The following DPYSL4 variants were observed in gnomAD, a reference collection of about 807,000 sequenced individuals.
DPYSL4 encodes dihydropyrimidinase-related protein 4.
A neutral mutation model predicts 63.4 loss-of-function variants in DPYSL4; 43 were observed. That is an observed-to-expected ratio of 0.68 (90% confidence interval 0.53 to 0.88). DPYSL4 has a LOEUF of 0.88. Ranked by LOEUF, DPYSL4 falls within the 40% of genes least tolerant of loss-of-function variation. The pLI is 0.00. For missense variants in DPYSL4, 733 were observed against 819.5 expected (o/e 0.89, Z 1.29); for synonymous variants, 353 against 331.7 (o/e 1.06, Z -0.70).
chr10:132,192,604 A>C (rs1034130595), intron 2 of DPYSL4, 54 bp from the exon 3 acceptor site: 2 of 1,535,842 alleles, frequency 1.3e-6, no homozygotes, highest in Non-Finnish European at 1.8e-6. Flanking sequence ...CTGGGAGCCC[A>C]TCTGGGCTCT....
At position 132,200,512 on chromosome 10, in the gene DPYSL4, G is replaced by C; in HGVS notation, c.968G>C (p.Ser323Thr). 6.2e-7 allele frequency: 1 copy of C among 1,612,678 alleles called. No individual in the cohort carries two copies. The highest frequency in any genetic ancestry group is 8.5e-7 in the Non-Finnish European group (1 of 1,179,784). Residue 323 changes from serine (S) to threonine (T), a missense_variant and splice_region_variant, in exon 9 of 14, where the codon AGC (serine) becomes ACC (threonine). Transcript: ENST00000338492. ...TADHLTCLLS[S>T]GDLQVTGSAH... is the part of the protein sequence containing the mutation. ...GACCACCTCACCTGCTTGCTGTCCA[G>C]GTAAGCAGCCTCTCCAGGTGGCCCC...
chr10:132,198,168 C>T (rs945621043), intron 6 of DPYSL4, among the ~76,000 whole-genome samples: 1 of 152,198 alleles, frequency 6.6e-6, no homozygotes, highest in Non-Finnish European at 1.5e-5. Context: ...CAGTCAGGAG[C>T]CCTGCAGCCT....
At position 132,192,654 on chromosome 10, in the gene DPYSL4, T is replaced by G; in HGVS notation, c.129-4T>G. On this transcript the variant is annotated splice_region_variant and splice_polypyrimidine_tract_variant and intron_variant, in intron 2 of 13. Transcript: ENST00000338492. The stretch of plus-strand genomic sequence containing the variant: ...GTAACCAGTGAAATCTCTGCTGCTT[T>G]CAGACAAATCGGAGAAAACCTCATC... 1 of 1,598,146 alleles carries G rather than the reference T, an allele frequency of 6.3e-7. No individual in the cohort carries two copies. Among genetic ancestry groups the G allele is most frequent in the South Asian group, 1.1e-5 (1 of 88,954 alleles).
chr10:132,187,229 C>G, intron 1 of DPYSL4, 127 bp downstream of exon 1: 1 of 611,492 alleles, frequency 1.6e-6, no homozygotes, highest in Non-Finnish European at 2.7e-6. Flanking sequence ...GGTCCCTGTC[C>G]TGGCGCCCGC....
intron 2 of DPYSL4, among the ~76,000 whole-genome samples, chr10:132,192,073 G>C (rs1215633778): frequency 6.7e-6 from 1 of 148,716 alleles, no homozygotes; most frequent in Admixed American, 6.7e-5. Context: ...ATAGTTCCCA[G>C]CTCTTGTGTA....
intron 2 of DPYSL4, 144 bp from the exon 3 acceptor site, chr10:132,192,511 AGCT>A: frequency 7.1e-7 from 1 of 1,408,072 alleles, no homozygotes; most frequent in South Asian, 1.6e-5. Context: ...ACTCCCGAGG[AGCT>A]AGTCCAGTGA....
At chr10:132,203,426 GCA>G (rs917720315) in intron 12 of DPYSL4, 4 of 372,612 alleles carry the variant, frequency 1.1e-5, no homozygotes, top group Non-Finnish European at 2.0e-5. Flanking sequence ...TGGCGTCTGT[GCA>G]CACACAAGTG....
Position 132,205,700 on chromosome 10 carries a change from G to A in DPYSL4, c.*770G>A, listed in dbSNP as rs1046575113. The A allele has an allele frequency of 3.3e-5, 5 of 152,228 alleles. No individual in the cohort carries two copies. Among genetic ancestry groups the A allele is most frequent in the Non-Finnish European group, 5.9e-5 (4 of 68,064 alleles). 9.4% of individuals were successfully genotyped at this position (152,228 alleles called of 1,614,324 possible). A position where few individuals can be genotyped will look rare whatever the true frequency, so the allele number is the denominator to read the frequency against. On this transcript the variant is annotated 3_prime_UTR_variant, in exon 14 of 14. Transcript: ENST00000338492. ...ACCTGTGCATGCCACCCACCGCCTGGACAGGCAGTCATCCTGCCTCTGATG... is the reference window on the plus strand; with the variant it reads ...ACCTGTGCATGCCACCCACCGCCTGAACAGGCAGTCATCCTGCCTCTGATG...
intron 11 of DPYSL4, 37 bp from the exon 12 acceptor site, chr10:132,202,609 G>A: frequency 6.2e-7 from 1 of 1,607,184 alleles, no homozygotes; most frequent in Non-Finnish European, 8.5e-7. Context: ...TTGGGCCCCA[G>A]CGTGGAGGCA....
chr10:132,187,174 C>A, intron 1 of DPYSL4, 72 bp downstream of exon 1: 2 of 1,201,824 alleles, frequency 1.7e-6, no homozygotes, highest in Non-Finnish European at 2.3e-6. Context: ...CCGGGCGGAC[C>A]CTCCTGGTCT....
At chr10:132,201,880 C>T in intron 10 of DPYSL4, 66 bp from the exon 11 acceptor site, 1 of 1,528,428 alleles carries the variant, frequency 6.5e-7, no homozygotes, top group Non-Finnish European at 8.9e-7. Context: ...GGCCCAGTGT[C>T]TGTCCTCGCG....
In DPYSL4 at chr10:132,203,888, C is replaced by G; in HGVS notation, c.1588C>G (p.Pro530Ala). The change falls in exon 13 of 14, where the codon CCT (proline) becomes GCT (alanine). Residue 530 changes from proline to alanine, a missense_variant. By Grantham distance (27) the Pro-to-Ala change is conservative (BLOSUM62 -1). Coordinates refer to ENST00000338492, the MANE Select transcript of DPYSL4 (RefSeq NM_006426.3). Reference protein sequence around the residue: ...ASCPGKISVPPVRNLHQSGFS... With the variant: ...ASCPGKISVPAVRNLHQSGFS... The stretch of plus-strand genomic sequence containing the variant: ...CTGCCCAGGCAAGATCTCCGTCCCT[C>G]CTGTGCGCAACCTACATCAGTCGGG... The G allele has an allele frequency of 6.2e-7, 1 of 1,612,310 alleles. No individual in the cohort carries two copies.
chr10:132,189,268 C>G (rs945899434), intron 1 of DPYSL4, among the ~76,000 whole-genome samples: 3 of 152,218 alleles, frequency 2.0e-5, no homozygotes, highest in East Asian at 1.9e-4. Flanking sequence ...AAAGCGTTGC[C>G]GAGTCCAGCC....
Position 132,190,735 on chromosome 10 carries a change from T to C in DPYSL4, c.40-12T>C. On this transcript the variant is annotated splice_polypyrimidine_tract_variant and intron_variant, in intron 1 of 13. Transcript: ENST00000338492. ...AGTTTGGAGAAAAATTACCCTTTGTTGTTCCCGATAGAGTGACCGCCTTCT... is the reference window on the plus strand; with the variant it reads ...AGTTTGGAGAAAAATTACCCTTTGTCGTTCCCGATAGAGTGACCGCCTTCT... The C allele has an allele frequency of 6.2e-7, 1 of 1,608,660 alleles. No homozygotes were observed. Among genetic ancestry groups the C allele is most frequent in the Non-Finnish European group, 8.5e-7 (1 of 1,175,578 alleles).
Position 132,197,041 on chromosome 10 carries a change from C to T in DPYSL4, c.561C>T (p.Ile187=), listed in dbSNP as rs745699375. 4.4e-6 allele frequency: 7 copies of T among 1,595,110 alleles called. No individual in the cohort carries two copies. The South Asian group carries it at 7.8e-5, about 18-fold the overall frequency. The change falls in exon 6 of 14, where the codon ATC becomes ATT. Residue 187 remains isoleucine (I), a synonymous_variant. Coordinates refer to ENST00000338492, the MANE Select transcript of DPYSL4 (RefSeq NM_006426.3). The part of the protein sequence containing the change: ...SDSQMYEIFS[I]IRDLGALAQV... ...CCCAGATGTACGAGATCTTCAGCATCATCCGGGACCTGGGGGCCTTGGCCC... is the reference window on the plus strand; with the variant it reads ...CCCAGATGTACGAGATCTTCAGCATTATCCGGGACCTGGGGGCCTTGGCCC...
intron 11 of DPYSL4, 115 bp from the exon 12 acceptor site, chr10:132,202,531 T>G (rs1468433457): frequency 8.9e-6 from 12 of 1,355,738 alleles, no homozygotes; most frequent in African/African-American, 1.4e-5. Flanking sequence ...GGGCTCAGTG[T>G]AGGCACACCG....
Position 132,203,918 on chromosome 10 carries a change from A to G in DPYSL4, c.1618A>G (p.Ser540Gly), listed in dbSNP as rs1281453301. The change falls in exon 13 of 14, where the codon AGC becomes GGC. Residue 540 changes from serine to glycine, a missense_variant. Coordinates refer to ENST00000338492, the MANE Select transcript of DPYSL4 (RefSeq NM_006426.3). ...PVRNLHQSGF[S>G]LSGSQADDHI... ...GCGCAACCTACATCAGTCGGGGTTC[A>G]GCCTATCTGGTGAGTTGGGCCTGGG... is the stretch of plus-strand genomic sequence containing the variant. 2 of 1,602,484 alleles carry G rather than the reference A, an allele frequency of 1.2e-6. No individual in the cohort carries two copies. The highest frequency in any genetic ancestry group is 1.7e-5 in the Admixed American group (1 of 59,746).
rs980934684 is a variant in DPYSL4, at chr10:132,198,627, G to A, written c.690+144G>A. On this transcript the variant is annotated intron_variant, in intron 7 of 13. Coordinates refer to ENST00000338492, the MANE Select transcript of DPYSL4 (RefSeq NM_006426.3). Reference sequence around the variant, plus strand: ...CATCTGGGAGGCGTGAATCCTCCCCGTGCCAGGCACTTGTCCTCCATCCCC... The same window carrying A: ...CATCTGGGAGGCGTGAATCCTCCCCATGCCAGGCACTTGTCCTCCATCCCC... 2.0e-5 allele frequency: 21 copies of A among 1,068,144 alleles called. 1 individual carries two copies. Among genetic ancestry groups the A allele is most frequent in the Middle Eastern group, 2.9e-4 (1 of 3,416 alleles). The allele number at this position is 1,068,144 out of a possible 1,614,324, so 66.2% of individuals were successfully genotyped here.
intron 1 of DPYSL4, among the ~76,000 whole-genome samples, chr10:132,188,982 C>T (rs539420404): frequency 3.8e-4 from 58 of 152,362 alleles, no homozygotes; most frequent in African/African-American, 1.4e-3. Flanking sequence ...TACAGCCCCA[C>T]AGTTAGATGT....
Sources: gnomAD v4.1 joint callset for allele counts (sites outside exome capture counted in the v4.1 genomes callset) on GRCh38, gnomAD v4.1.1 for gene constraint, MANE v1.5 for transcripts, NCBI Gene and HGNC (gene_info 2026-07-23, HGNC 2026-07-21) for gene names.